Variants in ENAH observed in about 807,000 individuals in gnomAD.
The protein encoded by ENAH is ENAH actin regulator, also known as protein enabled homolog.
Under a neutral mutation model 78.7 loss-of-function variants are expected in ENAH, and 23 were observed. The observed-to-expected ratio is 0.29, with a 90% CI of 0.21 to 0.41. ENAH has a LOEUF of 0.41. Among genes scored for constraint, ENAH ranks in the 10% least tolerant of loss-of-function variants. The pLI is 1.00. For synonymous variants in ENAH, 226 were observed against 241.0 expected, an observed-to-expected ratio of 0.94 and a Z score of 0.58; for missense variants, 544 against 691.0, an observed-to-expected ratio of 0.79 and a Z score of 2.39.
At chr1:225,563,065 T>C (rs2096716489) in intron 2 of ENAH, among the ~76,000 whole-genome samples, 2 of 151,998 alleles carry the variant, frequency 1.3e-5, no homozygotes, top group Non-Finnish European at 2.9e-5. Flanking sequence ...TAAGTATCAT[T>C]ATATTAATAA....
At chr1:225,598,242 G>A (rs969665234) in intron 1 of ENAH, among the ~76,000 whole-genome samples, 7 of 151,820 alleles carry the variant, frequency 4.6e-5, no homozygotes, top group African/African-American at 1.5e-4. Flanking sequence ...CATTTGGAAA[G>A]AGAATATAAA....
intron 4 of ENAH, among the ~76,000 whole-genome samples, chr1:225,528,320 G>A (rs549774391): frequency 6.6e-6 from 1 of 152,152 alleles, no homozygotes; most frequent in Non-Finnish European, 1.5e-5. Flanking sequence ...AACGTAGAAA[G>A]GATATGAGAA....
chr1:225,583,369 A>C (rs2096828803), intron 1 of ENAH, among the ~76,000 whole-genome samples: 1 of 141,046 alleles, frequency 7.1e-6, no homozygotes, highest in Non-Finnish European at 1.5e-5. Context: ...CAGGAGGTGG[A>C]GTTGCAGTGA....
intron 6 of ENAH, 60 bp downstream of exon 6, chr1:225,517,136 G>A (rs2096426076): frequency 7.2e-7 from 1 of 1,388,842 alleles, no homozygotes; most frequent in Non-Finnish European, 9.6e-7. Flanking sequence ...GGCAATTAAA[G>A]TCACTGCTAT....
chr1:225,639,223 T>C (rs1243704910), intron 1 of ENAH, among the ~76,000 whole-genome samples: 1 of 152,194 alleles, frequency 6.6e-6, no homozygotes, highest in Non-Finnish European at 1.5e-5. Flanking sequence ...GGGAACTTAA[T>C]GGCCTAAGTG....
At chr1:225,595,647 T>C (rs2096898766) in intron 1 of ENAH, among the ~76,000 whole-genome samples, 1 of 152,246 alleles carries the variant, frequency 6.6e-6, no homozygotes, top group African/African-American at 2.4e-5. Context: ...TCAGCTGGCA[T>C]AGGACCCAAA....
Position 225,514,829 on chromosome 1 carries a change from C to T in ENAH, c.985G>A (p.Ala329Thr). 6.3e-7 allele frequency: 1 copy of T among 1,585,660 alleles called. No individual in the cohort carries two copies. Among genetic ancestry groups the T allele is most frequent in the South Asian group, 1.1e-5 (1 of 86,994 alleles). ...GGGGGCCCTGGGGGAGGAGGGAGGG[C>T]TACTGAAGCCTGTGCAGGCCCTGGT... ...LPPGPAQASV[A>T]LPPPPGPPPP... is the part of the protein sequence containing the mutation. Residue 329 changes from alanine (A) to threonine (T), a missense_variant, in exon 7 of 14, where the codon GCC (alanine) becomes ACC (threonine). Physicochemically the swap from Ala to Thr is moderately conservative, Grantham distance 58 (BLOSUM62 0). Coordinates refer to ENST00000366843, the MANE Select transcript of ENAH (RefSeq NM_018212.6).
chr1:225,603,326 G>A (rs1012608515), intron 1 of ENAH, among the ~76,000 whole-genome samples: 2 of 152,006 alleles, frequency 1.3e-5, no homozygotes, highest in African/African-American at 2.4e-5. Flanking sequence ...ATTATATAGC[G>A]CTTGAGATAC....
intron 4 of ENAH, among the ~76,000 whole-genome samples, chr1:225,521,274 T>A (rs1291286978): frequency 6.6e-6 from 1 of 152,128 alleles, no homozygotes; most frequent in East Asian, 1.9e-4. Flanking sequence ...ACATAAATTT[T>A]GCTAGGTGAA....
chr1:225,521,269 A>C (rs2096465902), intron 4 of ENAH, among the ~76,000 whole-genome samples: 1 of 152,114 alleles, frequency 6.6e-6, no homozygotes, highest in Admixed American at 6.5e-5. Flanking sequence ...TAAGGACATA[A>C]ATTTTGCTAG....
At chr1:225,581,320 CT>C in intron 1 of ENAH, 2 of 983,944 alleles carry the variant, frequency 2.0e-6, no homozygotes. Flanking sequence ...TCTCAAAATA[CT>C]TTCCAAGCAC....
At position 225,488,681 on chromosome 1, in the gene ENAH, C is replaced by T. The variant is rs1485824556; in HGVS notation, c.*9094G>A. On this transcript the variant is annotated 3_prime_UTR_variant, in exon 14 of 14. Transcript: ENST00000366843. ...AAAAAGAAAAGCACCTAACGAAAAG[C>T]ATGTCCTATTCATGCTAGCAAGAAA... 1 of 152,222 alleles carries T rather than the reference C, an allele frequency of 6.6e-6. No individual in the cohort carries two copies. Among genetic ancestry groups the T allele is most frequent in the Non-Finnish European group, 1.5e-5 (1 of 68,030 alleles). 9.4% of individuals were successfully genotyped at this position (152,222 alleles called of 1,614,324 possible). A position where few individuals can be genotyped will look rare whatever the true frequency, so the allele number is the denominator to read the frequency against.
chr1:225,561,577 GC>G (rs1483212442), intron 2 of ENAH, among the ~76,000 whole-genome samples: 2 of 141,318 alleles, frequency 1.4e-5, no homozygotes, highest in Admixed American at 7.3e-5. Context: ...AGTTGAGATG[GC>G]GCCACTGCAC....
At chr1:225,615,237 G>A (rs1026773049) in intron 1 of ENAH, among the ~76,000 whole-genome samples, 20 of 151,872 alleles carry the variant, frequency 1.3e-4, no homozygotes, top group Admixed American at 1.0e-3. Context: ...TGGAGACGGG[G>A]TTTCGCCGTG....
At chr1:225,548,695 C>T (rs1379665570) in intron 3 of ENAH, among the ~76,000 whole-genome samples, 2 of 152,190 alleles carry the variant, frequency 1.3e-5, no homozygotes, top group Non-Finnish European at 2.9e-5. Flanking sequence ...GGAGTGACAA[C>T]AGACATATTA....
intron 4 of ENAH, among the ~76,000 whole-genome samples, chr1:225,529,802 T>C (rs2096528978): frequency 6.6e-6 from 1 of 152,142 alleles, no homozygotes; most frequent in Non-Finnish European, 1.5e-5. Flanking sequence ...AGTGCCACAA[T>C]AATCAAGCTG....
intron 3 of ENAH, among the ~76,000 whole-genome samples, chr1:225,542,754 C>T (rs1230611664): frequency 2.0e-5 from 3 of 152,186 alleles, no homozygotes; most frequent in Non-Finnish European, 4.4e-5. Context: ...GGAGCAGTGG[C>T]TCATGCCTGT....
chr1:225,501,142 A>ATT, intron 11 of ENAH, 72 bp from the exon 12 acceptor site: 1 of 1,165,888 alleles, frequency 8.6e-7, no homozygotes, highest in Non-Finnish European at 1.2e-6. Flanking sequence ...ATAATTGCAA[A>ATT]TTTACCAACC....
chr1:225,651,831 A>G (rs767447751), intron 1 of ENAH, among the ~76,000 whole-genome samples: 32 of 152,234 alleles, frequency 2.1e-4, no homozygotes, highest in Admixed American at 5.9e-4. Flanking sequence ...ATCACGGTTT[A>G]TTCTCCTACA....
Sources: gnomAD v4.1 joint callset for allele counts (sites outside exome capture counted in the v4.1 genomes callset) on GRCh38, gnomAD v4.1.1 for gene constraint, MANE v1.5 for transcripts, NCBI Gene and HGNC (gene_info 2026-07-23, HGNC 2026-07-21) for gene names.